The following SDK2 variants were observed in gnomAD, a reference collection of about 807,000 sequenced individuals.
The protein encoded by SDK2 is sidekick cell adhesion molecule 2.
SDK2 carries 105 observed loss-of-function variants against 253.9 expected under a neutral mutation model. The observed-to-expected ratio is 0.41, with a 90% CI of 0.35 to 0.49. The LOEUF is 0.49. SDK2 is among the 20% of genes least tolerant of loss of function. The pLI is 0.06. For missense variants in SDK2, 2,608 were observed against 3,003.0 expected, an observed-to-expected ratio of 0.87 and a Z score of 3.07; for synonymous variants, 1,249 against 1,234.9, an observed-to-expected ratio of 1.01 and a Z score of -0.24.
rs1014086374 is a variant in SDK2, at chr17:73,336,818, C to G, written c.*1769G>C. On this transcript the variant is annotated 3_prime_UTR_variant, in exon 45 of 45. Transcript: ENST00000392650. ...GCCCTGCTCCACGAAGGGGCTCACG[C>G]TGAATCAGACAGGCCCCTGTGGGCC... 3 of 152,726 alleles carry G rather than the reference C, an allele frequency of 2.0e-5. No individual in the cohort carries two copies. The highest frequency in any genetic ancestry group is 7.2e-5 in the African/African-American group (3 of 41,450). The allele number at this position is 152,726 out of a possible 1,614,324, so 9.5% of individuals were successfully genotyped here. A position where few individuals can be genotyped will look rare whatever the true frequency, so the allele number is the denominator to read the frequency against.
chr17:73,484,395 T>A (rs2063757460), intron 2 of SDK2, among the ~76,000 whole-genome samples: 1 of 152,180 alleles, frequency 6.6e-6, no homozygotes, highest in Admixed American at 6.5e-5. Context: ...CAGGGGAGAC[T>A]CAGTTGCTTC....
At chr17:73,477,886 C>G (rs192731829) in intron 2 of SDK2, among the ~76,000 whole-genome samples, 4 of 152,324 alleles carry the variant, frequency 2.6e-5, no homozygotes, top group African/African-American at 9.6e-5. Context: ...AATCTCTATT[C>G]AACGAGGAAG....
intron 1 of SDK2, among the ~76,000 whole-genome samples, chr17:73,619,552 C>A (rs997856436): frequency 6.6e-6 from 1 of 152,108 alleles, no homozygotes; most frequent in African/African-American, 2.4e-5. Flanking sequence ...AAAGAATGAA[C>A]CTGAACCCCT....
intron 1 of SDK2, among the ~76,000 whole-genome samples, chr17:73,559,418 A>G (rs184227834): frequency 6.6e-6 from 1 of 152,354 alleles, no homozygotes; most frequent in Non-Finnish European, 1.5e-5. Flanking sequence ...ACGATATAAC[A>G]ATTACATTGT....
At chr17:73,489,908 A>G (rs1257899785) in intron 2 of SDK2, among the ~76,000 whole-genome samples, 1 of 152,254 alleles carries the variant, frequency 6.6e-6, no homozygotes, top group African/African-American at 2.4e-5. Flanking sequence ...TCTGTCATGC[A>G]GATTTCATTT....
intron 1 of SDK2, among the ~76,000 whole-genome samples, chr17:73,574,820 G>A (rs1479837385): frequency 6.6e-6 from 1 of 152,204 alleles, no homozygotes; most frequent in African/African-American, 2.4e-5. Flanking sequence ...AACCAAGAGG[G>A]TGAGTCTTGA....
In SDK2 at chr17:73,394,199, C is replaced by A; in HGVS notation, c.3708+10G>T. On this transcript the variant is annotated intron_variant, in intron 26 of 44. Transcript: ENST00000392650. ...GTAGGGACCCCACCTCCTGGGATCC[C>A]GGGACTCACCTTATAGCCCAGCACG... The A allele has an allele frequency of 6.6e-7, 1 of 1,508,664 alleles. No homozygotes were observed. The highest frequency in any genetic ancestry group is 1.3e-5 in the South Asian group (1 of 74,814). The allele number at this position is 1,508,664 out of a possible 1,614,324, so 93.5% of individuals were successfully genotyped here.
intron 18 of SDK2, among the ~76,000 whole-genome samples, chr17:73,411,981 TCTAC>T (rs2063131310): frequency 3.9e-5 from 1 of 25,656 alleles, no homozygotes; most frequent in African/African-American, 1.2e-4. Flanking sequence ...TATATATATA[TCTAC>T]GTATATATAT....
chr17:73,487,517 C>T (rs953232152), intron 2 of SDK2, among the ~76,000 whole-genome samples: 9 of 152,338 alleles, frequency 5.9e-5, no homozygotes, highest in Non-Finnish European at 1.0e-4. Context: ...AGGTGGAAGG[C>T]GTTCCACAGC....
At chr17:73,380,504 G>A (rs2062821267) in intron 34 of SDK2, among the ~76,000 whole-genome samples, 1 of 152,184 alleles carries the variant, frequency 6.6e-6, no homozygotes, top group Non-Finnish European at 1.5e-5. Context: ...GGGCCAGACT[G>A]TAAGACCCAG....
At chr17:73,347,893 C>T (rs138216033) in intron 44 of SDK2, among the ~76,000 whole-genome samples, 119 of 152,086 alleles carry the variant, frequency 7.8e-4, no homozygotes, top group Non-Finnish European at 1.3e-3. Flanking sequence ...CTGACATTTA[C>T]GGAATGGTTG....
At chr17:73,589,758 AT>A (rs560507424) in intron 1 of SDK2, among the ~76,000 whole-genome samples, 13 of 152,246 alleles carry the variant, frequency 8.5e-5, no homozygotes, top group Non-Finnish European at 1.8e-4. Context: ...AATAAGCCTC[AT>A]CCCCAGGCAG....
chr17:73,544,815 G>A (rs1021406080), intron 1 of SDK2, among the ~76,000 whole-genome samples: 4 of 152,154 alleles, frequency 2.6e-5, no homozygotes, highest in African/African-American at 7.2e-5. Flanking sequence ...GTCAGAGCTC[G>A]GGTGTGCAGC....
In SDK2 at chr17:73,405,494, ATATATATATATATATATAT is replaced by A. The variant is rs1568385686; in HGVS notation, c.2485-3372_2485-3354del. Among the ~76,000 whole-genome samples the A allele has an allele frequency of 1.4e-3, 142 of 101,098 alleles. 22 individuals carry two copies. The highest frequency in any genetic ancestry group is 2.3e-3 in the East Asian group (7 of 2,982). The allele number at this position is 101,098 out of a possible 152,430, so 66.3% of individuals were successfully genotyped here. A position where few individuals can be genotyped will look rare whatever the true frequency, so the allele number is the denominator to read the frequency against. The stretch of plus-strand genomic sequence containing the variant: ...TATATATATATATATATATATATAT[ATATATATATATATATATAT>A]ATATAAAGATCGAGAATGTGGAAAG... On this transcript the variant is annotated intron_variant, in intron 18 of 44. Coordinates refer to ENST00000392650, the MANE Select transcript of SDK2 (RefSeq NM_001144952.2).
chr17:73,584,444 T>C (rs1430336534), intron 1 of SDK2, among the ~76,000 whole-genome samples: 2 of 152,124 alleles, frequency 1.3e-5, no homozygotes, highest in African/African-American at 2.4e-5. Context: ...GATGCCCGGG[T>C]ATAGGATGTC....
At chr17:73,422,813 G>C (rs1599551816) in intron 14 of SDK2, among the ~76,000 whole-genome samples, 1 of 152,208 alleles carries the variant, frequency 6.6e-6, no homozygotes, top group African/African-American at 2.4e-5. Flanking sequence ...CCTGAGGTCA[G>C]GGGTTTGAGA....
At chr17:73,456,303 T>C (rs966949366) in intron 3 of SDK2, among the ~76,000 whole-genome samples, 3 of 152,180 alleles carry the variant, frequency 2.0e-5, no homozygotes, top group Admixed American at 6.5e-5. Flanking sequence ...CCCTGAGAGG[T>C]TGGTCATCAT....
rs1434383055 is a variant in SDK2 at position 73,511,037 on chromosome 17, C to T, written c.65-3440G>A. ...GAGAGGCTGATGGGCACCCATTTGC[C>T]AAGGAAAAGGACCCACTGCCCGCCG... On this transcript the variant is annotated intron_variant, in intron 1 of 44. Coordinates refer to ENST00000392650, the MANE Select transcript of SDK2 (RefSeq NM_001144952.2). The surrounding 1 kb of genome is among the most constrained non-coding windows in gnomAD (Gnocchi z 4.9). Among the ~76,000 whole-genome samples, 2 of 152,150 alleles carry T rather than the reference C, an allele frequency of 1.3e-5. No homozygotes were observed. The highest frequency in any genetic ancestry group is 4.8e-5 in the African/African-American group (2 of 41,448).
intron 1 of SDK2, among the ~76,000 whole-genome samples, chr17:73,532,049 G>A (rs531862388): frequency 1.3e-5 from 2 of 152,136 alleles, no homozygotes; most frequent in South Asian, 4.2e-4. Flanking sequence ...GTTCTCAAGG[G>A]GGGGTCATTC....
Sources: allele counts gnomAD v4.1 joint callset (sites outside exome capture counted in the v4.1 genomes callset), GRCh38; gene constraint gnomAD v4.1.1; non-coding constraint Gnocchi (gnomAD v3.1); transcripts MANE v1.5; gene names NCBI Gene and HGNC (gene_info 2026-07-23, HGNC 2026-07-21).